Variants in ANKS1B observed in about 807,000 individuals in gnomAD.
The protein encoded by ANKS1B is ankyrin repeat and sterile alpha motif domain-containing protein 1B.
In ANKS1B, 36 loss-of-function variants were observed where a neutral mutation model predicts 148.3. The observed-to-expected ratio is 0.24, with a 90% CI of 0.19 to 0.32. The LOEUF is 0.32. Among genes scored for constraint, ANKS1B ranks in the 10% least tolerant of loss-of-function variants. ANKS1B has a pLI of 1.00. For synonymous variants in ANKS1B, 542 were observed against 560.8 expected, an observed-to-expected ratio of 0.97 and a Z score of 0.47; for missense variants, 1,157 against 1,542.6, an observed-to-expected ratio of 0.75 and a Z score of 4.19.
At chr12:99,572,737 A>T (rs150086876) in intron 9 of ANKS1B, among the ~76,000 whole-genome samples, 214 of 152,196 alleles carry the variant, frequency 1.4e-3, no homozygotes, top group Non-Finnish European at 2.6e-3. Context: ...AAAATCCAAG[A>T]TAACTATAGA....
At chr12:99,829,326 C>A (rs1464894939) in intron 1 of ANKS1B, among the ~76,000 whole-genome samples, 1 of 151,638 alleles carries the variant, frequency 6.6e-6, no homozygotes, top group Non-Finnish European at 1.5e-5. Flanking sequence ...ACAAGCCTGG[C>A]CGACAAGGTG....
At chr12:99,690,264 G>A (rs1404596447) in intron 8 of ANKS1B, among the ~76,000 whole-genome samples, 1 of 152,078 alleles carries the variant, frequency 6.6e-6, no homozygotes, top group Non-Finnish European at 1.5e-5. Context: ...GTGAGATCTG[G>A]ATGGGGACAC....
intron 19 of ANKS1B, among the ~76,000 whole-genome samples, chr12:98,819,030 C>T (rs2099164072): frequency 6.6e-6 from 1 of 152,138 alleles, no homozygotes; most frequent in Admixed American, 6.5e-5. Context: ...ACACTTCACT[C>T]AATACACTGA....
intron 12 of ANKS1B, among the ~76,000 whole-genome samples, chr12:99,274,456 C>G (rs764358654): frequency 1.3e-5 from 2 of 152,172 alleles, no homozygotes; most frequent in Non-Finnish European, 2.9e-5. Context: ...TTGCAACCAA[C>G]AGAATTGCCA....
intron 17 of ANKS1B, among the ~76,000 whole-genome samples, chr12:98,870,738 T>A (rs1019413777): frequency 6.6e-6 from 1 of 152,242 alleles, no homozygotes; most frequent in Non-Finnish European, 1.5e-5. Flanking sequence ...CACAGCCTCG[T>A]TATCCATCTC....
At chr12:99,134,694 CACACA>C (rs1444350353) in intron 15 of ANKS1B, among the ~76,000 whole-genome samples, 4 of 131,394 alleles carry the variant, frequency 3.0e-5, no homozygotes, top group African/African-American at 8.8e-5. Flanking sequence ...CACACACACA[CACACA>C]CCAGGCATTT....
intron 14 of ANKS1B, among the ~76,000 whole-genome samples, chr12:99,231,734 T>C (rs2086889325): frequency 6.6e-6 from 1 of 152,066 alleles, no homozygotes; most frequent in Admixed American, 6.6e-5. Context: ...GGTGACAAAG[T>C]ACCTCCTGAT....
chr12:99,502,273 T>C (rs1174306912), intron 10 of ANKS1B, among the ~76,000 whole-genome samples: 1 of 152,130 alleles, frequency 6.6e-6, no homozygotes, highest in Admixed American at 6.6e-5. Flanking sequence ...TCATTATCTC[T>C]CTTACGGAAA....
intron 9 of ANKS1B, among the ~76,000 whole-genome samples, chr12:99,610,077 G>T (rs1598060795): frequency 6.6e-6 from 1 of 151,856 alleles, no homozygotes; most frequent in Non-Finnish European, 1.5e-5. Flanking sequence ...CCTATCAAAA[G>T]GGTCACAACC....
chr12:98,894,772 AG>A, intron 17 of ANKS1B: 2 of 985,094 alleles, frequency 2.0e-6, no homozygotes, highest in Non-Finnish European at 2.4e-6. Flanking sequence ...AGCGAATGCG[AG>A]CGGCGAGGCG....
At chr12:99,823,912 T>C (rs1196981782) in intron 2 of ANKS1B, among the ~76,000 whole-genome samples, 2 of 152,208 alleles carry the variant, frequency 1.3e-5, no homozygotes, top group African/African-American at 4.8e-5. Flanking sequence ...TGTATGGCTT[T>C]ATTTCTGGGT....
At chr12:99,637,862 C>G (rs1015898706) in intron 9 of ANKS1B, among the ~76,000 whole-genome samples, 6 of 149,214 alleles carry the variant, frequency 4.0e-5, no homozygotes, top group African/African-American at 1.5e-4. Context: ...GAGAGAGAGA[C>G]ATAAAGAGAG....
chr12:98,848,292 T>C lies in ANKS1B; in HGVS notation c.2779-16156A>G, dbSNP rs114659068. ...AAGAAAATTGTCAAATTAAGCTGGATAGAATAACAACATACAATAAAAAAA... is the reference window on the plus strand; with the variant it reads ...AAGAAAATTGTCAAATTAAGCTGGACAGAATAACAACATACAATAAAAAAA... On this transcript the variant is annotated intron_variant, in intron 17 of 26. Transcript: ENST00000683438. 5.6e-3 allele frequency among the ~76,000 whole-genome samples: 848 copies of C among 152,326 alleles called. 9 individuals are homozygous for C. The highest frequency in any genetic ancestry group is 0.02 in the African/African-American group (816 of 41,558).
chr12:99,628,180 T>G (rs1695306894), intron 9 of ANKS1B, among the ~76,000 whole-genome samples: 2 of 152,070 alleles, frequency 1.3e-5, no homozygotes, highest in Non-Finnish European at 2.9e-5. Context: ...GTATTAACCA[T>G]TTGCATGTCT....
At chr12:99,910,813 G>C (rs2093983242) in intron 1 of ANKS1B, among the ~76,000 whole-genome samples, 1 of 151,990 alleles carries the variant, frequency 6.6e-6, no homozygotes, top group South Asian at 2.1e-4. Context: ...AGAGAGTTCT[G>C]AATTATCAGC....
chr12:98,793,296 A>G (rs938116554), intron 22 of ANKS1B, among the ~76,000 whole-genome samples: 4 of 152,216 alleles, frequency 2.6e-5, no homozygotes, highest in African/African-American at 9.7e-5. Flanking sequence ...TCTTTTGATA[A>G]ATGTCTATTC....
At chr12:99,157,793 C>T (rs2076230552) in intron 14 of ANKS1B, among the ~76,000 whole-genome samples, 1 of 152,042 alleles carries the variant, frequency 6.6e-6, no homozygotes, top group African/African-American at 2.4e-5. Flanking sequence ...GCACTTGTAC[C>T]TCTTAGAGCA....
At chr12:99,622,011 C>T (rs1376778956) in intron 9 of ANKS1B, among the ~76,000 whole-genome samples, 1 of 151,876 alleles carries the variant, frequency 6.6e-6, no homozygotes. Flanking sequence ...GACCAGAAGG[C>T]AAATATCAAT....
chr12:98,928,788 T>TC (rs1369646043), intron 17 of ANKS1B, among the ~76,000 whole-genome samples: 5 of 151,940 alleles, frequency 3.3e-5, no homozygotes, highest in African/African-American at 1.2e-4. Context: ...ACACAGAACT[T>TC]CCTCAATCTG....
Sources: gnomAD v4.1 joint callset for allele counts (sites outside exome capture counted in the v4.1 genomes callset) on GRCh38, gnomAD v4.1.1 for gene constraint, MANE v1.5 for transcripts, NCBI Gene and HGNC (gene_info 2026-07-23, HGNC 2026-07-21) for gene names.